The following PAPPA2 variants were observed in gnomAD, a reference collection of about 807,000 sequenced individuals.
The protein encoded by PAPPA2 is pappalysin-2.
In PAPPA2, 86 loss-of-function variants were observed where a neutral mutation model predicts 176.4. The ratio of observed to expected loss-of-function variants is 0.49; its 90% CI spans 0.41 to 0.58. The LOEUF is 0.58. Ranked by LOEUF, PAPPA2 falls within the 20% of genes least tolerant of loss-of-function variation. PAPPA2 has a pLI of 0.00. For synonymous variants in PAPPA2, 809 were observed against 852.2 expected, an observed-to-expected ratio of 0.95 and a Z score of 0.88; for missense variants, 2,073 against 2,256.9, an observed-to-expected ratio of 0.92 and a Z score of 1.65.
In PAPPA2 at chr1:176,843,348, G is replaced by C. The variant is rs1667551658; in HGVS notation, c.*894G>C. 2 of 152,122 alleles carry C rather than the reference G, an allele frequency of 1.3e-5. No individual in the cohort carries two copies. The highest frequency in any genetic ancestry group is 1.3e-4 in the Admixed American group (2 of 15,254). The allele number at this position is 152,122 out of a possible 1,614,324, so 9.4% of individuals were successfully genotyped here. A position where few individuals can be genotyped will look rare whatever the true frequency, so the allele number is the denominator to read the frequency against. On this transcript the variant is annotated 3_prime_UTR_variant, in exon 23 of 23. Transcript: ENST00000367662. The stretch of plus-strand genomic sequence containing the variant: ...TGAGTGTGAATACCATTGGTGATGG[G>C]TCCAGGAGAACTAGACTATGGTTCT...
At chr1:176,568,420 C>T (rs1261690344) in intron 2 of PAPPA2, among the ~76,000 whole-genome samples, 1 of 152,198 alleles carries the variant, frequency 6.6e-6, no homozygotes, top group African/African-American at 2.4e-5. Flanking sequence ...ATGGAGAAAC[C>T]AGAGCACAGA....
chr1:176,606,289 G>T (rs1272005788), intron 3 of PAPPA2, among the ~76,000 whole-genome samples: 2 of 152,056 alleles, frequency 1.3e-5, no homozygotes, highest in African/African-American at 4.8e-5. Context: ...ATTCTATATT[G>T]TGTGTTAAGT....
At chr1:176,580,068 A>G (rs1652874170) in intron 2 of PAPPA2, among the ~76,000 whole-genome samples, 1 of 152,142 alleles carries the variant, frequency 6.6e-6, no homozygotes, top group Non-Finnish European at 1.5e-5. Context: ...TATTTTAACC[A>G]TAGTCATCCT....
At chr1:176,837,916 CTGTT>C (rs1377122283) in intron 21 of PAPPA2, among the ~76,000 whole-genome samples, 4 of 152,110 alleles carry the variant, frequency 2.6e-5, no homozygotes, top group East Asian at 1.9e-4. Context: ...ATAGGAGACT[CTGTT>C]TGTTGAGGGT....
chr1:176,605,568 T>C (rs886939960), intron 3 of PAPPA2, among the ~76,000 whole-genome samples: 10 of 152,248 alleles, frequency 6.6e-5, no homozygotes. Flanking sequence ...TTGCTCTGGC[T>C]CCTAATTTAT....
chr1:176,590,053 A>T (rs1049788916), intron 2 of PAPPA2, among the ~76,000 whole-genome samples: 11 of 152,330 alleles, frequency 7.2e-5, no homozygotes, highest in African/African-American at 2.6e-4. Flanking sequence ...CCTGGGATGG[A>T]CACATTTTGT....
At chr1:176,590,654 C>A (rs1297433592) in intron 2 of PAPPA2, among the ~76,000 whole-genome samples, 1 of 152,156 alleles carries the variant, frequency 6.6e-6, no homozygotes, top group Non-Finnish European at 1.5e-5. Flanking sequence ...GTTGAAGATG[C>A]ACAGATTTTA....
chr1:176,653,818 C>T (rs1657882452), intron 3 of PAPPA2, among the ~76,000 whole-genome samples: 1 of 151,676 alleles, frequency 6.6e-6, no homozygotes, highest in South Asian at 2.1e-4. Context: ...CTGCTTCTTT[C>T]TACTTCTGAT....
At chr1:176,667,013 A>G (rs1419405610) in intron 3 of PAPPA2, among the ~76,000 whole-genome samples, 1 of 152,160 alleles carries the variant, frequency 6.6e-6, no homozygotes, top group Non-Finnish European at 1.5e-5. Flanking sequence ...TGGGAGGCCG[A>G]GGCGGGCAGA....
chr1:176,743,580 G>A (rs1662779037), intron 14 of PAPPA2, among the ~76,000 whole-genome samples: 7 of 152,186 alleles, frequency 4.6e-5, no homozygotes, highest in Admixed American at 4.6e-4. Flanking sequence ...TCCCAGGATT[G>A]TGTTGATGGC....
intron 2 of PAPPA2, among the ~76,000 whole-genome samples, chr1:176,564,722 C>CTT (rs71299415): frequency 0.21 from 27,460 of 133,752 alleles, 2,896 homozygotes; most frequent in South Asian, 0.35. Context: ...CTTTCCTTTT[C>CTT]TTTTTTTTTT....
chr1:176,840,199 C>T lies in PAPPA2; in HGVS notation c.5229C>T (p.Asp1743=). 1.9e-6 allele frequency: 3 copies of T among 1,613,342 alleles called. No homozygotes were observed. Among genetic ancestry groups the T allele is most frequent in the Non-Finnish European group, 1.7e-6 (2 of 1,179,542 alleles). Residue 1743 remains aspartate (D), a synonymous_variant, in exon 22 of 23, where the codon GAC becomes GAT. Transcript: ENST00000367662. The part of the protein sequence containing the change: ...CEPFQADGWC[D]TINNRAYCHY... The stretch of plus-strand genomic sequence containing the variant: ...CCTTCCAAGCAGATGGTTGGTGTGA[C>T]ACTATCAACAACCGAGCCTACTGCC...
At chr1:176,765,927 G>A in intron 15 of PAPPA2, 90 bp downstream of exon 15, 1 of 1,483,900 alleles carries the variant, frequency 6.7e-7, no homozygotes, top group Admixed American at 2.2e-5. Context: ...GGAAAGAGCA[G>A]ATGTTTTTAA....
At chr1:176,831,505 C>A (rs1191001799) in intron 21 of PAPPA2, among the ~76,000 whole-genome samples, 3 of 152,200 alleles carry the variant, frequency 2.0e-5, no homozygotes, top group Non-Finnish European at 4.4e-5. Flanking sequence ...CTGTCTTTCC[C>A]ATTTTCACCC....
chr1:176,505,795 G>A (rs538631002), intron 1 of PAPPA2, among the ~76,000 whole-genome samples: 154 of 152,090 alleles, frequency 1.0e-3, no homozygotes, highest in African/African-American at 3.6e-3. Context: ...TTGGAGAGGA[G>A]GGAGTTGCAC....
At chr1:176,762,102 T>C (rs1260326389) in intron 14 of PAPPA2, among the ~76,000 whole-genome samples, 1 of 152,124 alleles carries the variant, frequency 6.6e-6, no homozygotes, top group Non-Finnish European at 1.5e-5. Context: ...TGGTACCAGA[T>C]GCCATCAGAA....
chr1:176,812,424 C>A (rs1245105430), intron 21 of PAPPA2, among the ~76,000 whole-genome samples: 9 of 152,134 alleles, frequency 5.9e-5, no homozygotes, highest in Non-Finnish European at 1.3e-4. Flanking sequence ...CTATAGATAA[C>A]TCTAGATTCT....
chr1:176,557,145 C>T lies in PAPPA2; in HGVS notation c.823C>T (p.Arg275Cys), dbSNP rs1651362049. The T allele has an allele frequency of 6.2e-7, 1 of 1,613,864 alleles. No homozygotes were observed. The highest frequency in any genetic ancestry group is 8.5e-7 in the Non-Finnish European group (1 of 1,180,014). ...TGGGAGGCGGGAGCGGCTGCTGCTG[C>T]GTCCAGAAGTGCTGGCTGAGATTCC... is the stretch of plus-strand genomic sequence containing the variant. ...FSGRRERLLL[R>C]PEVLAEIPRE... The change falls in exon 2 of 23, where the codon CGT (arginine) becomes TGT (cysteine). Residue 275 changes from arginine to cysteine, a missense_variant. Transcript: ENST00000367662.
At chr1:176,775,772 C>G (rs1035392361) in intron 17 of PAPPA2, among the ~76,000 whole-genome samples, 2 of 152,140 alleles carry the variant, frequency 1.3e-5, no homozygotes, top group Non-Finnish European at 2.9e-5. Flanking sequence ...CTGGTCTAGT[C>G]GAACTTTTGA....
Sources: allele counts gnomAD v4.1 joint callset (sites outside exome capture counted in the v4.1 genomes callset), GRCh38; gene constraint gnomAD v4.1.1; transcripts MANE v1.5; gene names NCBI Gene and HGNC (gene_info 2026-07-23, HGNC 2026-07-21).